The following COL23A1 variants were observed in gnomAD, a reference collection of about 807,000 sequenced individuals.
COL23A1 encodes collagen alpha-1(XXIII) chain.
Under a neutral mutation model 99.3 loss-of-function variants are expected in COL23A1, and 97 were observed. The ratio of observed to expected loss-of-function variants is 0.98; its 90% CI spans 0.83 to 1.16. The LOEUF (loss-of-function observed/expected upper bound fraction) is 1.16, where lower values mean the gene tolerates loss of function less well. COL23A1 is among the 50% of genes most tolerant of loss of function. COL23A1 has a pLI of 0.00. For synonymous variants in COL23A1, 320 were observed against 308.2 expected (o/e 1.04, Z -0.40); for missense variants, 762 against 757.4 (o/e 1.01, Z -0.07).
intron 5 of COL23A1, among the ~76,000 whole-genome samples, chr5:178,287,084 T>TG (rs1484589082): frequency 3.9e-5 from 6 of 152,228 alleles, no homozygotes; most frequent in Non-Finnish European, 5.9e-5. Context: ...CCCAAGATGC[T>TG]GGACGCCCAA....
intron 2 of COL23A1, among the ~76,000 whole-genome samples, chr5:178,450,064 G>A (rs866127185): frequency 3.9e-5 from 6 of 152,200 alleles, no homozygotes; most frequent in African/African-American, 9.6e-5. Context: ...AGCCAGCCCC[G>A]GAGCAGGAAC....
At chr5:178,250,010 G>C (rs1306897872) in intron 18 of COL23A1, 51 bp downstream of exon 18, 26 of 1,580,132 alleles carry the variant, frequency 1.6e-5, no homozygotes, top group East Asian at 1.3e-4. Flanking sequence ...CACACACACA[G>C]AGCCCAATAC....
intron 3 of COL23A1, among the ~76,000 whole-genome samples, chr5:178,298,335 G>A (rs1186897762): frequency 1.3e-5 from 2 of 152,222 alleles, no homozygotes; most frequent in East Asian, 1.9e-4. Flanking sequence ...GCAGAGGTGC[G>A]TGGTGATCTT....
Position 178,250,199 on chromosome 5 carries a change from A to T in COL23A1, c.1015-94T>A, listed in dbSNP as rs572144837. The T allele has an allele frequency of 7.5e-6, 11 of 1,469,622 alleles. No individual in the cohort carries two copies. The South Asian group carries it at 1.1e-4, about 14-fold the overall frequency. 91.0% of individuals were successfully genotyped at this position (1,469,622 alleles called of 1,614,324 possible). ...CCAGGACACACTGTGCACCCGGCCC[A>T]GGGTGGGTCTTTGCAGTTGGACCTC... On this transcript the variant is annotated intron_variant, in intron 17 of 28. Coordinates refer to ENST00000390654, the MANE Select transcript of COL23A1 (RefSeq NM_173465.4).
intron 25 of COL23A1, among the ~76,000 whole-genome samples, chr5:178,244,874 G>A (rs971227617): frequency 3.3e-5 from 5 of 152,176 alleles, no homozygotes; most frequent in African/African-American, 4.8e-5. Flanking sequence ...CTGTCACCAG[G>A]ATATTGCAAC....
At chr5:178,546,350 T>C (rs1448121512) in intron 2 of COL23A1, among the ~76,000 whole-genome samples, 1 of 152,192 alleles carries the variant, frequency 6.6e-6, no homozygotes, top group African/African-American at 2.4e-5. Flanking sequence ...TTTCTTCCAC[T>C]GTTCGCCACT....
chr5:178,540,637 G>T (rs991919257), intron 2 of COL23A1, among the ~76,000 whole-genome samples: 1 of 152,152 alleles, frequency 6.6e-6, no homozygotes, highest in Non-Finnish European at 1.5e-5. Flanking sequence ...ATCTCAGCAG[G>T]GTGGCTGGGC....
chr5:178,572,343 A>T (rs1183577187), intron 1 of COL23A1, among the ~76,000 whole-genome samples: 1 of 152,132 alleles, frequency 6.6e-6, no homozygotes, highest in Non-Finnish European at 1.5e-5. Context: ...AAAGAGCAAA[A>T]TAGAAAAAAA....
chr5:178,291,419 C>T (rs1328943625), intron 3 of COL23A1, among the ~76,000 whole-genome samples: 1 of 152,176 alleles, frequency 6.6e-6, no homozygotes, highest in Non-Finnish European at 1.5e-5. Context: ...ATGCATAGCA[C>T]AAGGGCCCTG....
rs181613654 is a variant in COL23A1, at chr5:178,581,978, G to T, written c.294+7926C>A. 1.6e-4 allele frequency among the ~76,000 whole-genome samples: 25 copies of T among 152,222 alleles called. No individual in the cohort carries two copies. In the East Asian group the frequency reaches 4.4e-3, roughly 27 times the overall value. ...GTTAAACAGCCCTTGGTTTAGGATG[G>T]TAAGATTATAGGGTAACATTCATCA... On this transcript the variant is annotated intron_variant, in intron 1 of 28. Transcript: ENST00000390654.
intron 2 of COL23A1, among the ~76,000 whole-genome samples, chr5:178,466,417 C>A (rs1756426214): frequency 6.6e-6 from 1 of 152,180 alleles, no homozygotes; most frequent in African/African-American, 2.4e-5. Context: ...ACCTTTCGTC[C>A]TGTGTTGATT....
intron 2 of COL23A1, among the ~76,000 whole-genome samples, chr5:178,443,624 C>CTG: frequency 8.2e-6 from 1 of 122,634 alleles, no homozygotes; most frequent in South Asian, 2.4e-4. Context: ...CCATGCCCAG[C>CTG]TATTTTTTTT....
intron 1 of COL23A1, among the ~76,000 whole-genome samples, chr5:178,577,168 G>A (rs867977685): frequency 1.1e-3 from 162 of 152,272 alleles, no homozygotes; most frequent in Middle Eastern, 6.8e-3. Context: ...CTGCCGTCCG[G>A]GGATCCCGCG....
chr5:178,256,965 G>A (rs1198076824), intron 13 of COL23A1, 37 bp from the exon 14 acceptor site: 1 of 1,603,692 alleles, frequency 6.2e-7, no homozygotes, highest in Admixed American at 1.7e-5. Flanking sequence ...GCAAGTGTGA[G>A]ACGGCACGTG....
At chr5:178,583,910 C>G (rs532891435) in intron 1 of COL23A1, among the ~76,000 whole-genome samples, 2 of 152,358 alleles carry the variant, frequency 1.3e-5, no homozygotes, top group South Asian at 4.1e-4. Context: ...GTCACCCAGG[C>G]TGGAGTGCAG....
intron 2 of COL23A1, among the ~76,000 whole-genome samples, chr5:178,448,457 G>C (rs1452721925): frequency 6.6e-6 from 1 of 152,104 alleles, no homozygotes; most frequent in African/African-American, 2.4e-5. Flanking sequence ...GTTTTGTTCT[G>C]CCATAACAGA....
chr5:178,456,200 G>C (rs1767783031), intron 2 of COL23A1, among the ~76,000 whole-genome samples: 1 of 152,194 alleles, frequency 6.6e-6, no homozygotes, highest in Non-Finnish European at 1.5e-5. Context: ...GATTTTCAAA[G>C]AGTTATACGT....
intron 2 of COL23A1, among the ~76,000 whole-genome samples, chr5:178,553,675 G>A (rs912775730): frequency 2.6e-5 from 4 of 152,208 alleles, no homozygotes; most frequent in Non-Finnish European, 5.9e-5. Flanking sequence ...AGCTCTGCTC[G>A]AGGCCTTCTG....
At chr5:178,479,500 CT>C in intron 2 of COL23A1, among the ~76,000 whole-genome samples, 1 of 152,330 alleles carries the variant, frequency 6.6e-6, no homozygotes, top group East Asian at 1.9e-4. Context: ...GTCCACAGCT[CT>C]TTAATACACC....
Sources: gnomAD v4.1 joint callset for allele counts (sites outside exome capture counted in the v4.1 genomes callset) on GRCh38, gnomAD v4.1.1 for gene constraint, MANE v1.5 for transcripts, NCBI Gene and HGNC (gene_info 2026-07-23, HGNC 2026-07-21) for gene names.